GUCY1A1: variants seen among roughly 807,000 people sequenced by gnomAD.
GUCY1A1 encodes guanylate cyclase 1 soluble subunit alpha 1.
Under a neutral mutation model 64.5 loss-of-function variants are expected in GUCY1A1, and 48 were observed. The ratio of observed to expected loss-of-function variants is 0.74; its 90% CI spans 0.59 to 0.95. The LOEUF is 0.95. GUCY1A1 is among the 40% of genes least tolerant of loss of function. GUCY1A1 has a pLI of 0.00. For missense variants in GUCY1A1, 804 were observed against 825.3 expected, an observed-to-expected ratio of 0.97 and a Z score of 0.32; for synonymous variants, 308 against 303.4, an observed-to-expected ratio of 1.02 and a Z score of -0.16.
In GUCY1A1 at chr4:155,735,387, C is replaced by G. The variant is rs1735958662; in HGVS notation, c.*5156C>G. On this transcript the variant is annotated 3_prime_UTR_variant, in exon 10 of 10. Transcript: ENST00000506455. ...TCACCAGTGCAGTTTTTTCCATCAT[C>G]ATAAACTTAGTTTTATGAAAATGTT... is the stretch of plus-strand genomic sequence containing the variant. The G allele has an allele frequency of 6.6e-6, 1 of 151,884 alleles. No individual in the cohort carries two copies. The highest frequency in any genetic ancestry group is 2.1e-4 in the South Asian group (1 of 4,828). The allele number at this position is 151,884 out of a possible 1,614,324, so 9.4% of individuals were successfully genotyped here. A position where few individuals can be genotyped will look rare whatever the true frequency, so the allele number is the denominator to read the frequency against.
intron 4 of GUCY1A1, 64 bp from the exon 5 acceptor site, chr4:155,708,172 T>C (rs1389000080): frequency 1.2e-6 from 1 of 842,130 alleles, no homozygotes; most frequent in Non-Finnish European, 2.0e-6. Context: ...TTTCTGTATA[T>C]TATAATCTGA....
In GUCY1A1 at chr4:155,680,377, C is replaced by T. The variant is rs371838660; in HGVS notation, c.-113+12958C>T. Among the ~76,000 whole-genome samples, 3 of 152,110 alleles carry T rather than the reference C, an allele frequency of 2.0e-5. No individual in the cohort carries two copies. In the South Asian group the frequency reaches 6.2e-4, roughly 32 times the overall value. ...GGAATTTTGTATATCAGTCTTGTAT[C>T]CTGAAACATTGCTTAATTTACTTCT... is the stretch of plus-strand genomic sequence containing the variant. On this transcript the variant is annotated intron_variant, in intron 2 of 9. Coordinates refer to ENST00000506455, the MANE Select transcript of GUCY1A1 (RefSeq NM_001130682.3).
chr4:155,714,681 G>T (rs1301110526), intron 7 of GUCY1A1, among the ~76,000 whole-genome samples: 1 of 152,072 alleles, frequency 6.6e-6, no homozygotes, highest in Non-Finnish European at 1.5e-5. Context: ...TGGAAGAAAC[G>T]AATATTATTC....
chr4:155,709,360 T>C (rs1016179432), intron 5 of GUCY1A1, among the ~76,000 whole-genome samples: 2 of 152,210 alleles, frequency 1.3e-5, no homozygotes, highest in Non-Finnish European at 2.9e-5. Context: ...TTCTCCTATC[T>C]CTTTTTCCTT....
At chr4:155,682,853 A>G (rs984937343) in intron 2 of GUCY1A1, among the ~76,000 whole-genome samples, 3 of 152,094 alleles carry the variant, frequency 2.0e-5, no homozygotes, top group East Asian at 3.9e-4. Context: ...TTTAAAATGT[A>G]TTTCCAATAA....
At chr4:155,699,134 T>C (rs1232555048) in intron 3 of GUCY1A1, among the ~76,000 whole-genome samples, 1 of 152,166 alleles carries the variant, frequency 6.6e-6, no homozygotes, top group Non-Finnish European at 1.5e-5. Flanking sequence ...CCCTTGTAGC[T>C]TTGCATTGGT....
intron 9 of GUCY1A1, among the ~76,000 whole-genome samples, chr4:155,729,696 T>C (rs1161962965): frequency 2.6e-5 from 4 of 151,916 alleles, no homozygotes; most frequent in African/African-American, 7.2e-5. Flanking sequence ...AATACTGTTA[T>C]GGTTATGTGT....
At chr4:155,706,152 A>G (rs1318510957) in intron 4 of GUCY1A1, among the ~76,000 whole-genome samples, 2 of 152,154 alleles carry the variant, frequency 1.3e-5, no homozygotes, top group Non-Finnish European at 1.5e-5. Flanking sequence ...AAATTTTGAA[A>G]TTTTTGTTTA....
chr4:155,691,983 C>G (rs937503540), intron 2 of GUCY1A1, among the ~76,000 whole-genome samples: 2 of 152,082 alleles, frequency 1.3e-5, no homozygotes, highest in African/African-American at 2.4e-5. Flanking sequence ...GAGTGTTGTT[C>G]CCCTCTATGT....
chr4:155,676,300 G>GT (rs10532055), intron 2 of GUCY1A1, among the ~76,000 whole-genome samples: 10,760 of 140,668 alleles, frequency 0.076, 550 homozygotes, highest in African/African-American at 0.11. Flanking sequence ...AGAAGAGCTG[G>GT]TTTTTTTTTT....
chr4:155,693,911 G>A (rs1730085561), intron 2 of GUCY1A1, among the ~76,000 whole-genome samples: 1 of 152,132 alleles, frequency 6.6e-6, no homozygotes, highest in South Asian at 2.1e-4. Flanking sequence ...AGAGAGTTAA[G>A]TTTAATGGAA....
Position 155,710,566 on chromosome 4 carries a change from A to AAAG in GUCY1A1, c.402_403insAGA (p.Glu134_Ser135insArg). ...GGAGTTCCAGTGGAGGTTATCAAAG[A>AAAG]ATCTCTTGGTGAAGAGGTTTTTAAA... On this transcript the variant is annotated inframe_insertion, in exon 6 of 10. Coordinates refer to ENST00000506455, the MANE Select transcript of GUCY1A1 (RefSeq NM_001130682.3). The AAAG allele has an allele frequency of 6.2e-7, 1 of 1,604,520 alleles. No individual in the cohort carries two copies. Among genetic ancestry groups the AAAG allele is most frequent in the Non-Finnish European group, 8.5e-7 (1 of 1,174,222 alleles).
In GUCY1A1 at chr4:155,710,595, T is replaced by C; in HGVS notation, c.430T>C (p.Cys144Arg). The C allele has an allele frequency of 1.2e-6, 2 of 1,612,816 alleles. No homozygotes were observed. Among genetic ancestry groups the C allele is most frequent in the South Asian group, 1.1e-5 (1 of 90,806 alleles). The change falls in exon 6 of 10, where the codon TGT (cysteine) becomes CGT (arginine). Residue 144 changes from cysteine to arginine, a missense_variant. Coordinates refer to ENST00000506455, the MANE Select transcript of GUCY1A1 (RefSeq NM_001130682.3). Reference sequence around the variant, plus strand: ...TCTTGGTGAAGAGGTTTTTAAAATATGTTACGAGGAAGATGAAAACATCCT... The same window carrying C: ...TCTTGGTGAAGAGGTTTTTAAAATACGTTACGAGGAAGATGAAAACATCCT... ...ESLGEEVFKI[C>R]YEEDENILGV...
intron 2 of GUCY1A1, among the ~76,000 whole-genome samples, chr4:155,670,817 C>A (rs1734043599): frequency 6.6e-6 from 1 of 152,116 alleles, no homozygotes; most frequent in East Asian, 1.9e-4. Context: ...AACTCACATA[C>A]CAAGTCATCT....
In GUCY1A1 at chr4:155,733,875, T is replaced by G. The variant is rs556494521; in HGVS notation, c.*3644T>G. Among the ~76,000 whole-genome samples, 5 of 151,784 alleles carry G rather than the reference T, an allele frequency of 3.3e-5. No individual in the cohort carries two copies. The highest frequency in any genetic ancestry group is 7.4e-5 in the Non-Finnish European group (5 of 67,870). On this transcript the variant is annotated 3_prime_UTR_variant, in exon 10 of 10. Transcript: ENST00000506455. ...ACTTGCACAGGTGACTGAATGAACA[T>G]CTGTTTATACATCAAGGGAAAATGA... is the stretch of plus-strand genomic sequence containing the variant.
chr4:155,699,021 TG>T (rs1730761433), intron 3 of GUCY1A1, among the ~76,000 whole-genome samples: 1 of 152,148 alleles, frequency 6.6e-6, no homozygotes, highest in Admixed American at 6.5e-5. Context: ...TTGAATTTTT[TG>T]TCAGGTAATT....
chr4:155,716,090 A>C (rs1364700097), intron 7 of GUCY1A1, among the ~76,000 whole-genome samples: 5 of 152,132 alleles, frequency 3.3e-5, no homozygotes, highest in Admixed American at 6.6e-5. Flanking sequence ...AAGTGGGAGC[A>C]TGTTTGATGT....
intron 8 of GUCY1A1, among the ~76,000 whole-genome samples, chr4:155,721,216 A>G (rs559305794): frequency 6.6e-6 from 1 of 152,160 alleles, no homozygotes; most frequent in African/African-American, 2.4e-5. Context: ...GTGAACTATG[A>G]TGGTACCGCT....
intron 9 of GUCY1A1, 100 bp downstream of exon 9, chr4:155,722,292 C>T: frequency 6.7e-7 from 1 of 1,494,888 alleles, no homozygotes; most frequent in South Asian, 1.4e-5. Context: ...TTTTTTCTTC[C>T]TTAGTCGTAA....
Sources: gnomAD v4.1 joint callset for allele counts (sites outside exome capture counted in the v4.1 genomes callset) on GRCh38, gnomAD v4.1.1 for gene constraint, MANE v1.5 for transcripts, NCBI Gene and HGNC (gene_info 2026-07-23, HGNC 2026-07-21) for gene names.